ENTREP2: variants seen among roughly 807,000 people sequenced by gnomAD.
ENTREP2 encodes the protein protein ENTREP2.
At chr15:29,529,009 C>A in the ENTREP2 span, among the ~76,000 whole-genome samples, 1 of 151,210 alleles carries the variant, frequency 6.6e-6, no homozygotes, top group Non-Finnish European at 1.5e-5. Flanking sequence ...TTGAAACTTC[C>A]AATTATACTC....
the ENTREP2 span, among the ~76,000 whole-genome samples, chr15:29,158,553 C>T: frequency 0.043 from 6,600 of 152,014 alleles, 506 homozygotes; most frequent in African/African-American, 0.15. Context: ...TACAGGAGCA[C>T]GCCATCACTC....
At chr15:29,665,322 CTGGGTA>C in the ENTREP2 span, among the ~76,000 whole-genome samples, 1 of 152,234 alleles carries the variant, frequency 6.6e-6, no homozygotes, top group Admixed American at 6.5e-5. Flanking sequence ...AGAGCAGCTG[CTGGGTA>C]CTTGCAATAT....
At chr15:29,216,046 T>G in the ENTREP2 span, among the ~76,000 whole-genome samples, 2 of 152,172 alleles carry the variant, frequency 1.3e-5, no homozygotes, top group African/African-American at 4.8e-5. Flanking sequence ...AACTTGTATT[T>G]TTGTTTTATA....
chr15:29,338,263 T>G, the ENTREP2 span, among the ~76,000 whole-genome samples: 1 of 149,198 alleles, frequency 6.7e-6, no homozygotes, highest in Non-Finnish European at 1.5e-5. Flanking sequence ...AGGAGGGTGG[T>G]GATGAGGTAG....
chr15:29,479,642 C>G, the ENTREP2 span, among the ~76,000 whole-genome samples: 1 of 112,304 alleles, frequency 8.9e-6, no homozygotes, highest in Admixed American at 8.4e-5. Flanking sequence ...CCCTCCCTCT[C>G]TCTCTGTCTG....
chr15:29,392,829 T>A, the ENTREP2 span, among the ~76,000 whole-genome samples: 1 of 152,192 alleles, frequency 6.6e-6, no homozygotes, highest in Non-Finnish European at 1.5e-5. Flanking sequence ...AATGTCTTAG[T>A]TTTTCTTCCA....
At chr15:29,379,091 A>G in the ENTREP2 span, among the ~76,000 whole-genome samples, 46,242 of 152,122 alleles carry the variant, frequency 0.3, 7,766 homozygotes, top group African/African-American at 0.45. Context: ...TCTGCAGTGC[A>G]GAACTGCCTC....
At chr15:29,421,965 G>C in the ENTREP2 span, among the ~76,000 whole-genome samples, 3 of 152,194 alleles carry the variant, frequency 2.0e-5, no homozygotes, top group Admixed American at 1.3e-4. Flanking sequence ...GCCTGAAAGA[G>C]AACTCAGAAT....
chr15:29,591,832 GAGAAGAAGAAGA>G, the ENTREP2 span, among the ~76,000 whole-genome samples: 380 of 140,198 alleles, frequency 2.7e-3, 2 homozygotes, highest in African/African-American at 8.5e-3. Context: ...CATCTCAAAA[GAGAAGAAGAAGA>G]AGAAGAAGAA....
At chr15:29,508,776 C>CA in the ENTREP2 span, among the ~76,000 whole-genome samples, 2 of 152,316 alleles carry the variant, frequency 1.3e-5, no homozygotes, top group East Asian at 3.9e-4. Context: ...CTATTTATGA[C>CA]AAACCCACAG....
the ENTREP2 span, among the ~76,000 whole-genome samples, chr15:29,649,405 T>C: frequency 6.6e-6 from 1 of 151,434 alleles, no homozygotes; most frequent in African/African-American, 2.4e-5. Context: ...TCAGACAGAG[T>C]ATTTAGCCCT....
chr15:29,600,898 C>CTTT, the ENTREP2 span, among the ~76,000 whole-genome samples: 135 of 125,358 alleles, frequency 1.1e-3, 14 homozygotes, highest in Admixed American at 1.6e-3. Context: ...TATGATTTTT[C>CTTT]TTTCTTTTTT....
the ENTREP2 span, among the ~76,000 whole-genome samples, chr15:29,277,449 C>A: frequency 6.6e-6 from 1 of 152,226 alleles, no homozygotes; most frequent in Non-Finnish European, 1.5e-5. Context: ...CGGTCCCCAA[C>A]CTTTTTGGTA....
At chr15:29,332,877 T>G in the ENTREP2 span, among the ~76,000 whole-genome samples, 1 of 149,216 alleles carries the variant, frequency 6.7e-6, no homozygotes, top group African/African-American at 2.5e-5. Context: ...CAGAATCGCT[T>G]GAACCCACGG....
chr15:29,144,722 C>A, the ENTREP2 span, among the ~76,000 whole-genome samples: 1 of 151,666 alleles, frequency 6.6e-6, no homozygotes, highest in Admixed American at 6.6e-5. Flanking sequence ...AGAGTGAGAC[C>A]TTGTCTCAGG....
the ENTREP2 span, among the ~76,000 whole-genome samples, chr15:29,593,971 C>T: frequency 6.6e-6 from 1 of 152,086 alleles, no homozygotes; most frequent in Non-Finnish European, 1.5e-5. Context: ...ATGTTAATGT[C>T]TCAGTTTTGA....
chr15:29,446,383 A>C, the ENTREP2 span, among the ~76,000 whole-genome samples: 25 of 152,242 alleles, frequency 1.6e-4, no homozygotes, highest in African/African-American at 6.0e-4. Flanking sequence ...GGTTCTTGGA[A>C]GGTTTTTTTT....
At chr15:29,570,537 G>A in the ENTREP2 span, 1 of 1,459,588 alleles carries the variant, frequency 6.9e-7, no homozygotes, top group African/African-American at 1.5e-5. Context: ...CAGGAGTGGC[G>A]GACGCGGGCC....
At chr15:29,562,138 A>G in the ENTREP2 span, among the ~76,000 whole-genome samples, 1 of 152,264 alleles carries the variant, frequency 6.6e-6, no homozygotes, top group Non-Finnish European at 1.5e-5. Flanking sequence ...GTGCCCTTCA[A>G]AACTGTGGAA....
Sources: gnomAD v4.1 joint callset for allele counts (sites outside exome capture counted in the v4.1 genomes callset) on GRCh38, gnomAD v4.1.1 for gene constraint, MANE v1.5 for transcripts, NCBI Gene and HGNC (gene_info 2026-07-23, HGNC 2026-07-21) for gene names.